KCNH8: variants seen among roughly 807,000 people sequenced by gnomAD.
The protein encoded by KCNH8 is potassium voltage-gated channel subfamily H member 8, also known as voltage-gated delayed rectifier potassium channel KCNH8.
Under a neutral mutation model 103.6 loss-of-function variants are expected in KCNH8, and 70 were observed. The ratio of observed to expected loss-of-function variants is 0.68; its 90% confidence interval spans 0.56 to 0.82. The LOEUF (loss-of-function observed/expected upper bound fraction) is 0.82, where lower values mean the gene tolerates loss of function less well. Ranked by LOEUF, KCNH8 falls within the 40% of genes least tolerant of loss-of-function variation. KCNH8 has a pLI of 0.00. For missense variants in KCNH8, 1,217 were observed against 1,329.9 expected, an observed-to-expected ratio of 0.92 and a Z score of 1.32; for synonymous variants, 498 against 489.4, an observed-to-expected ratio of 1.02 and a Z score of -0.23.
At chr3:19,381,314 G>A (rs2066285155) in intron 5 of KCNH8, among the ~76,000 whole-genome samples, 1 of 152,082 alleles carries the variant, frequency 6.6e-6, no homozygotes, top group South Asian at 2.1e-4. Context: ...TTCAAAAATA[G>A]TGCTGGATCA....
intron 3 of KCNH8, among the ~76,000 whole-genome samples, chr3:19,291,059 A>G (rs1453528146): frequency 6.6e-6 from 1 of 152,146 alleles, no homozygotes; most frequent in Non-Finnish European, 1.5e-5. Context: ...CTCTGATGGT[A>G]GTTTGTATTT....
chr3:19,518,749 T>A lies in KCNH8; in HGVS notation c.2619+675T>A, dbSNP rs115509699. On this transcript the variant is annotated intron_variant, in intron 15 of 15. Transcript: ENST00000328405. ...TCATTTTACAGTTAATCTCTATTCT[T>A]ATGTCCAGCCTTAGACAACCACTTA... 8.6e-3 allele frequency among the ~76,000 whole-genome samples: 1,314 copies of A among 152,170 alleles called. 10 individuals carry two copies. The highest frequency in any genetic ancestry group is 0.02 in the South Asian group (95 of 4,832).
chr3:19,485,433 T>A (rs2068184386), intron 11 of KCNH8, among the ~76,000 whole-genome samples: 1 of 152,234 alleles, frequency 6.6e-6, no homozygotes. Context: ...AACGCACTGT[T>A]GTGCTACTGC....
intron 1 of KCNH8, among the ~76,000 whole-genome samples, chr3:19,183,194 T>A (rs1013888506): frequency 6.6e-6 from 1 of 152,116 alleles, no homozygotes; most frequent in Non-Finnish European, 1.5e-5. Flanking sequence ...TGTGCTATAA[T>A]AATAAAAAAG....
chr3:19,175,379 G>A (rs1559409111), intron 1 of KCNH8, among the ~76,000 whole-genome samples: 2 of 151,890 alleles, frequency 1.3e-5, no homozygotes, highest in Non-Finnish European at 2.9e-5. Context: ...CCGCCACTAC[G>A]CCCGGCTAAC....
At chr3:19,440,128 A>T (rs2067260129) in intron 8 of KCNH8, among the ~76,000 whole-genome samples, 1 of 152,178 alleles carries the variant, frequency 6.6e-6, no homozygotes, top group South Asian at 2.1e-4. Context: ...GTTAATACAT[A>T]AATAAATTTT....
intron 3 of KCNH8, among the ~76,000 whole-genome samples, chr3:19,305,751 A>C (rs1438532070): frequency 4.6e-5 from 7 of 152,114 alleles, no homozygotes; most frequent in Admixed American, 1.3e-4. Flanking sequence ...TATAGAAAAC[A>C]AATATTTATC....
At chr3:19,469,730 A>G (rs544449680) in intron 11 of KCNH8, among the ~76,000 whole-genome samples, 1 of 152,206 alleles carries the variant, frequency 6.6e-6, no homozygotes, top group South Asian at 2.1e-4. Flanking sequence ...TTTTGTGTTT[A>G]TGTTCATGGT....
In KCNH8 at chr3:19,524,426, G is replaced by A. The variant is rs138869856; in HGVS notation, c.2619+6352G>A. Among the ~76,000 whole-genome samples the A allele has an allele frequency of 7.1e-3, 1,080 of 151,872 alleles. 7 individuals carry two copies. Among genetic ancestry groups the A allele is most frequent in the Non-Finnish European group, 0.012 (821 of 67,866 alleles). On this transcript the variant is annotated intron_variant, in intron 15 of 15. Coordinates refer to ENST00000328405, the MANE Select transcript of KCNH8 (RefSeq NM_144633.3). ...TATTGATGTTAATACTACGTTTTGT[G>A]GACATAGGCTTTTAACCTGGAATGT... is the stretch of plus-strand genomic sequence containing the variant.
At chr3:19,480,828 C>CA (rs1383814159) in intron 11 of KCNH8, among the ~76,000 whole-genome samples, 1 of 151,860 alleles carries the variant, frequency 6.6e-6, no homozygotes, top group Admixed American at 6.6e-5. Flanking sequence ...TTCTTCATGC[C>CA]AAAAAAACAA....
chr3:19,256,685 T>C (rs1459837028), intron 2 of KCNH8, among the ~76,000 whole-genome samples: 4 of 152,202 alleles, frequency 2.6e-5, no homozygotes, highest in African/African-American at 7.2e-5. Flanking sequence ...TGGAGACTTA[T>C]AGGCTTGATA....
chr3:19,458,973 C>A (rs1324333838), intron 11 of KCNH8, among the ~76,000 whole-genome samples: 3 of 151,852 alleles, frequency 2.0e-5, no homozygotes, highest in Admixed American at 6.6e-5. Context: ...TGTATGTATA[C>A]CACATTTTCT....
chr3:19,275,418 C>A (rs1051275268), intron 2 of KCNH8, among the ~76,000 whole-genome samples: 1 of 152,058 alleles, frequency 6.6e-6, no homozygotes, highest in East Asian at 1.9e-4. Context: ...TCCACTGTTA[C>A]ACAGGGAGTC....
chr3:19,330,955 G>C (rs1474586735), intron 3 of KCNH8, among the ~76,000 whole-genome samples: 2 of 152,058 alleles, frequency 1.3e-5, no homozygotes, highest in Non-Finnish European at 2.9e-5. Context: ...TACTGAAGAA[G>C]TAAGATTCAA....
intron 3 of KCNH8, among the ~76,000 whole-genome samples, chr3:19,336,981 C>CTT (rs1249198778): frequency 2.0e-5 from 3 of 151,970 alleles, no homozygotes; most frequent in Non-Finnish European, 4.4e-5. Context: ...ATAGAAGACC[C>CTT]TTTCTAGCAG....
chr3:19,299,803 C>T (rs1053022386), intron 3 of KCNH8, among the ~76,000 whole-genome samples: 2 of 151,754 alleles, frequency 1.3e-5, no homozygotes, highest in African/African-American at 4.8e-5. Context: ...ACATCAATAA[C>T]TTTATAAAGC....
chr3:19,320,774 G>A (rs2065339335), intron 3 of KCNH8, among the ~76,000 whole-genome samples: 1 of 151,632 alleles, frequency 6.6e-6, no homozygotes, highest in Non-Finnish European at 1.5e-5. Flanking sequence ...TTCTTTGAAT[G>A]TCTAATAGGA....
At chr3:19,170,805 TATATA>T (rs1177779826) in intron 1 of KCNH8, among the ~76,000 whole-genome samples, 6 of 118,928 alleles carry the variant, frequency 5.0e-5, no homozygotes, top group African/African-American at 2.4e-4. Context: ...TATATATATA[TATATA>T]TTTTTTTTTT....
intron 3 of KCNH8, among the ~76,000 whole-genome samples, chr3:19,282,314 T>C (rs1367918051): frequency 3.3e-5 from 5 of 152,134 alleles, no homozygotes. Context: ...ATTTTACATA[T>C]GCAAGGGAAG....
Sources: allele counts gnomAD v4.1 joint callset (sites outside exome capture counted in the v4.1 genomes callset), GRCh38; gene constraint gnomAD v4.1.1; transcripts MANE v1.5; gene names NCBI Gene and HGNC (gene_info 2026-07-23, HGNC 2026-07-21).